Variants in TBC1D1 observed in about 807,000 individuals in gnomAD.
The protein encoded by TBC1D1 is TBC1 (tre-2/USP6, BUB2, cdc16) domain family, member 1.
TBC1D1 carries 89 observed loss-of-function variants against 125.6 expected under a neutral mutation model. That is an observed-to-expected ratio of 0.71 (90% CI 0.60 to 0.85). The LOEUF is 0.85. Among genes scored for constraint, TBC1D1 ranks in the 40% least tolerant of loss-of-function variants. The pLI, the probability that TBC1D1 is intolerant of heterozygous loss-of-function variation, is 0.00. For missense variants in TBC1D1, 1,377 were observed against 1,469.2 expected, an observed-to-expected ratio of 0.94 and a Z score of 1.03; for synonymous variants, 565 against 564.1, an observed-to-expected ratio of 1.00 and a Z score of -0.02.
intron 15 of TBC1D1, among the ~76,000 whole-genome samples, chr4:38,106,848 A>G (rs1761389592): frequency 6.6e-6 from 1 of 151,890 alleles, no homozygotes; most frequent in Admixed American, 6.6e-5. Flanking sequence ...GAGCCCCACC[A>G]CGGCCTCCCC....
chr4:38,118,427 T>C, intron 17 of TBC1D1: 1 of 523,868 alleles, frequency 1.9e-6, no homozygotes. Flanking sequence ...GTGGATCCGA[T>C]CCGTGTAGAT....
At chr4:37,958,554 T>C (rs1729349667) in intron 2 of TBC1D1, among the ~76,000 whole-genome samples, 1 of 152,198 alleles carries the variant, frequency 6.6e-6, no homozygotes, top group Non-Finnish European at 1.5e-5. Flanking sequence ...CCATCTCTCC[T>C]AGCTCAAATG....
At chr4:38,044,319 G>A in intron 8 of TBC1D1, 43 bp from the exon 9 acceptor site, 1 of 1,573,180 alleles carries the variant, frequency 6.4e-7, no homozygotes, top group Middle Eastern at 1.7e-4. Context: ...TTAAGAAGCA[G>A]AGAAGGGAGC....
At chr4:37,922,180 C>T (rs768204497) in intron 2 of TBC1D1, among the ~76,000 whole-genome samples, 4 of 152,098 alleles carry the variant, frequency 2.6e-5, no homozygotes, top group Non-Finnish European at 5.9e-5. Context: ...AATACTTTCA[C>T]GTATCACTTT....
At chr4:38,059,993 G>A (rs1410374866) in intron 12 of TBC1D1, among the ~76,000 whole-genome samples, 1 of 152,146 alleles carries the variant, frequency 6.6e-6, no homozygotes, top group East Asian at 1.9e-4. Flanking sequence ...TTCTGTTCCT[G>A]CGTTAGTTTG....
At chr4:37,893,834 G>C (rs1204290362) in intron 1 of TBC1D1, among the ~76,000 whole-genome samples, 1 of 152,152 alleles carries the variant, frequency 6.6e-6, no homozygotes, top group Non-Finnish European at 1.5e-5. Flanking sequence ...TATCCCTGTA[G>C]TGATGACGAA....
chr4:37,967,939 C>T (rs769845505), intron 2 of TBC1D1, among the ~76,000 whole-genome samples: 2 of 152,170 alleles, frequency 1.3e-5, no homozygotes, highest in Non-Finnish European at 2.9e-5. Flanking sequence ...TTGAAACAAG[C>T]GCACAGTGTT....
At chr4:38,005,065 C>A (rs7672883) in intron 2 of TBC1D1, among the ~76,000 whole-genome samples, 88,861 of 151,904 alleles carry the variant, frequency 0.58, 27,031 homozygotes, top group East Asian at 0.89. Context: ...TCTGTTCAGC[C>A]GTAACCGTCT....
intron 2 of TBC1D1, among the ~76,000 whole-genome samples, chr4:37,970,151 T>G (rs371143842): frequency 6.6e-6 from 1 of 152,252 alleles, no homozygotes; most frequent in Admixed American, 6.5e-5. Context: ...CATTCATCAG[T>G]TGAAGGGCAG....
chr4:38,046,456 A>C (rs1208935171), intron 10 of TBC1D1, among the ~76,000 whole-genome samples: 1 of 152,008 alleles, frequency 6.6e-6, no homozygotes, highest in Non-Finnish European at 1.5e-5. Flanking sequence ...AATTTAGAGA[A>C]GTATACAGCT....
At chr4:38,023,431 C>A (rs1036282774) in intron 6 of TBC1D1, among the ~76,000 whole-genome samples, 1 of 152,096 alleles carries the variant, frequency 6.6e-6, no homozygotes, top group African/African-American at 2.4e-5. Context: ...TTGTACAGTC[C>A]TCACCACCAG....
chr4:38,032,748 T>G (rs1355842508), intron 7 of TBC1D1, among the ~76,000 whole-genome samples: 1 of 149,426 alleles, frequency 6.7e-6, no homozygotes, highest in Non-Finnish European at 1.5e-5. Context: ...GGCAGGAGAA[T>G]GGCGTGAACC....
At chr4:38,037,495 G>A (rs960921515) in intron 8 of TBC1D1, among the ~76,000 whole-genome samples, 12 of 152,082 alleles carry the variant, frequency 7.9e-5, no homozygotes, top group African/African-American at 2.9e-4. Context: ...GGGTTTTTCA[G>A]AGCAGCAGCT....
intron 2 of TBC1D1, among the ~76,000 whole-genome samples, chr4:37,918,430 G>A (rs936442022): frequency 6.6e-6 from 1 of 151,242 alleles, no homozygotes; most frequent in Non-Finnish European, 1.5e-5. Context: ...TGTGATCACG[G>A]TGTGTTTTGG....
intron 2 of TBC1D1, among the ~76,000 whole-genome samples, chr4:37,941,773 C>T (rs1225042571): frequency 2.0e-5 from 3 of 151,050 alleles, no homozygotes; most frequent in East Asian, 1.9e-4. Flanking sequence ...GCCTTCATTT[C>T]GTTATGTACC....
intron 2 of TBC1D1, among the ~76,000 whole-genome samples, chr4:37,933,793 T>C (rs1723820130): frequency 6.6e-6 from 1 of 152,206 alleles, no homozygotes; most frequent in Non-Finnish European, 1.5e-5. Context: ...GGTAGGACCA[T>C]GCCTGGGATG....
intron 2 of TBC1D1, among the ~76,000 whole-genome samples, chr4:37,904,287 G>A (rs981030385): frequency 6.6e-6 from 1 of 152,212 alleles, no homozygotes; most frequent in Non-Finnish European, 1.5e-5. Context: ...ATACCTAGAT[G>A]AGTGCCTTCA....
At chr4:37,979,642 C>T (rs896933548) in intron 2 of TBC1D1, among the ~76,000 whole-genome samples, 4 of 152,244 alleles carry the variant, frequency 2.6e-5, no homozygotes, top group Non-Finnish European at 5.9e-5. Flanking sequence ...ACACAAACAC[C>T]TGCACATCCA....
chr4:37,951,338 T>G (rs1727826783), intron 2 of TBC1D1, among the ~76,000 whole-genome samples: 1 of 152,170 alleles, frequency 6.6e-6, no homozygotes, highest in African/African-American at 2.4e-5. Context: ...TGGTTGAAAT[T>G]GGGTGATGGA....
Sources: gnomAD v4.1 joint callset for allele counts (sites outside exome capture counted in the v4.1 genomes callset) on GRCh38, gnomAD v4.1.1 for gene constraint, MANE v1.5 for transcripts, NCBI Gene and HGNC (gene_info 2026-07-23, HGNC 2026-07-21) for gene names.